Variants in BMPR2 observed in about 807,000 individuals in gnomAD.
BMPR2 encodes bone morphogenetic protein receptor type-2.
Under a neutral mutation model 100.8 loss-of-function variants are expected in BMPR2, and 29 were observed. The ratio of observed to expected loss-of-function variants is 0.29; its 90% CI spans 0.21 to 0.39. BMPR2 has a LOEUF of 0.39. Among genes scored for constraint, BMPR2 ranks in the 10% least tolerant of loss-of-function variants. The pLI is 1.00. For synonymous variants in BMPR2, 382 were observed against 442.3 expected (o/e 0.86, Z 1.71); for missense variants, 1,011 against 1,274.5 (o/e 0.79, Z 3.15).
intron 12 of BMPR2, among the ~76,000 whole-genome samples, chr2:202,557,760 A>G (rs1688607287): frequency 6.6e-6 from 1 of 152,208 alleles, no homozygotes; most frequent in South Asian, 2.1e-4. Context: ...TGATAATTAA[A>G]AAGTCAGTGT....
chr2:202,425,458 T>C (rs1375447556), intron 1 of BMPR2, among the ~76,000 whole-genome samples: 1 of 152,212 alleles, frequency 6.6e-6, no homozygotes, highest in Non-Finnish European at 1.5e-5. Flanking sequence ...AACTTTGTGA[T>C]TGATACAAGA....
chr2:202,417,716 CCTTTTTTTTTTTT>C (rs1691164000), intron 1 of BMPR2, among the ~76,000 whole-genome samples: 1 of 149,964 alleles, frequency 6.7e-6, no homozygotes. Context: ...TTTCTATATT[CCTTTTTTTTTTTT>C]CTTTTTTGAG....
At chr2:202,510,376 A>G (rs573486271) in intron 3 of BMPR2, among the ~76,000 whole-genome samples, 7 of 152,176 alleles carry the variant, frequency 4.6e-5, no homozygotes, top group African/African-American at 1.4e-4. Flanking sequence ...GAGATCGTAC[A>G]TCTGTGACAT....
At position 202,556,519 on chromosome 2, in the gene BMPR2, A is replaced by G. The variant is rs745798716; in HGVS notation, c.2854A>G (p.Ser952Gly). ...TTCAGCCACAAATGTCCTGGATGGCAGCAGTATACAGAGTAAGTGGAGGGA... is the reference window on the plus strand; with the variant it reads ...TTCAGCCACAAATGTCCTGGATGGCGGCAGTATACAGAGTAAGTGGAGGGA... Reference protein sequence around the residue: ...DLSATNVLDGSSIQIGESTQD... With the variant: ...DLSATNVLDGGSIQIGESTQD... The change falls in exon 12 of 13, where the codon AGC becomes GGC. Residue 952 changes from serine to glycine, a missense_variant. Ser to Gly is a moderately conservative substitution (Grantham distance 56, BLOSUM62 0). Coordinates refer to ENST00000374580, the MANE Select transcript of BMPR2 (RefSeq NM_001204.7). The G allele has an allele frequency of 3.1e-6, 5 of 1,612,788 alleles. No individual in the cohort carries two copies. The highest frequency in any genetic ancestry group is 2.2e-5 in the South Asian group (2 of 91,088).
In BMPR2 at chr2:202,561,010, C is replaced by T. The variant is rs1466949815; in HGVS notation, c.*1064C>T. 6.6e-6 allele frequency: 1 copy of T among 152,074 alleles called. No homozygotes were observed. The highest frequency in any genetic ancestry group is 2.4e-5 in the African/African-American group (1 of 41,406). The allele number at this position is 152,074 out of a possible 1,614,324, so 9.4% of individuals were successfully genotyped here. On this transcript the variant is annotated 3_prime_UTR_variant, in exon 13 of 13. Transcript: ENST00000374580. Reference sequence around the variant, plus strand: ...TTCTCTGAATAGGCCATCTTTGACTCATAAAATTACCCTTACTGTTTATTA... The same window carrying T: ...TTCTCTGAATAGGCCATCTTTGACTTATAAAATTACCCTTACTGTTTATTA...
intron 12 of BMPR2, among the ~76,000 whole-genome samples, chr2:202,556,811 G>A (rs183448243): frequency 2.5e-4 from 38 of 149,784 alleles, no homozygotes; most frequent in Non-Finnish European, 4.2e-4. Flanking sequence ...TAGGCCAGGC[G>A]CGGTGGCTCA....
intron 7 of BMPR2, among the ~76,000 whole-genome samples, chr2:202,529,885 T>G (rs1687987409): frequency 6.6e-6 from 1 of 152,226 alleles, no homozygotes. Context: ...TCTCTATACC[T>G]AAGCAGATAT....
chr2:202,457,561 TAGAGAGAGAGAGAGAGAG>T (rs72489501), intron 1 of BMPR2, among the ~76,000 whole-genome samples: 2 of 94,842 alleles, frequency 2.1e-5, no homozygotes, highest in African/African-American at 5.3e-5. Context: ...TATATATATA[TAGAGAGAGAGAGAGAGAG>T]AGAGAGAGAG....
chr2:202,491,333 G>A (rs72925083), intron 3 of BMPR2, among the ~76,000 whole-genome samples: 25,625 of 152,060 alleles, frequency 0.17, 2,472 homozygotes, highest in Middle Eastern at 0.24. Flanking sequence ...CTGAGATTGC[G>A]GTCATGAGCC....
At chr2:202,490,741 T>C (rs920113576) in intron 3 of BMPR2, among the ~76,000 whole-genome samples, 9 of 152,034 alleles carry the variant, frequency 5.9e-5, no homozygotes, top group Non-Finnish European at 1.2e-4. Flanking sequence ...CATAAAAGAA[T>C]AGGAAGGGTA....
At chr2:202,531,833 T>C (rs936375101) in intron 8 of BMPR2, among the ~76,000 whole-genome samples, 5 of 146,060 alleles carry the variant, frequency 3.4e-5, no homozygotes, top group Admixed American at 7.0e-5. Context: ...GGTTTCTCCA[T>C]GTTAGGGTGG....
At chr2:202,402,364 A>G (rs1690782734) in intron 1 of BMPR2, among the ~76,000 whole-genome samples, 2 of 151,808 alleles carry the variant, frequency 1.3e-5, no homozygotes, top group East Asian at 1.9e-4. Context: ...TAAAAATATA[A>G]AAAGTTAGCC....
At chr2:202,557,130 A>C (rs1373482314) in intron 12 of BMPR2, among the ~76,000 whole-genome samples, 1 of 152,072 alleles carries the variant, frequency 6.6e-6, no homozygotes, top group East Asian at 1.9e-4. Context: ...CAGGAGTTCG[A>C]GACCAGCCTG....
Position 202,391,168 on chromosome 2 carries a change from G to T in BMPR2, c.76+13618G>T, listed in dbSNP as rs1381502352. Among the ~76,000 whole-genome samples the T allele has an allele frequency of 2.0e-5, 3 of 151,432 alleles. No homozygotes were observed. The South Asian group carries it at 6.3e-4, about 32-fold the overall frequency. On this transcript the variant is annotated intron_variant, in intron 1 of 12. Transcript: ENST00000374580. ...ATTTTGTATTTTTAGTAGAGACAGG[G>T]TTTCTCCATGTTGGTCAGGCTGGTC...
chr2:202,416,427 A>ATTT (rs57196325), intron 1 of BMPR2, among the ~76,000 whole-genome samples: 52 of 137,022 alleles, frequency 3.8e-4, no homozygotes, highest in South Asian at 2.6e-3. Flanking sequence ...CACCTGGATA[A>ATTT]TTTTTTTTTT....
chr2:202,518,717 C>A, intron 5 of BMPR2, 105 bp from the exon 6 acceptor site: 3 of 937,328 alleles, frequency 3.2e-6, no homozygotes, highest in Non-Finnish European at 5.1e-6. Context: ...AAACTGTAAG[C>A]AACAGAGAGC....
intron 3 of BMPR2, 132 bp from the exon 4 acceptor site, chr2:202,513,587 C>T: frequency 1.5e-5 from 9 of 612,184 alleles, no homozygotes; most frequent in Non-Finnish European, 2.3e-5. Context: ...TTTTTTCTTT[C>T]ATTTCCTTTG....
chr2:202,491,264 C>T (rs1692894764), intron 3 of BMPR2, among the ~76,000 whole-genome samples: 1 of 151,918 alleles, frequency 6.6e-6, no homozygotes, highest in Non-Finnish European at 1.5e-5. Context: ...GGCAGGTTGT[C>T]TAGGCTGGTC....
At chr2:202,500,366 C>T (rs1244366866) in intron 3 of BMPR2, among the ~76,000 whole-genome samples, 1 of 152,172 alleles carries the variant, frequency 6.6e-6, no homozygotes, top group Non-Finnish European at 1.5e-5. Flanking sequence ...AAGTCCCACA[C>T]CGTTATTAGG....
Sources: gnomAD v4.1 joint callset for allele counts (sites outside exome capture counted in the v4.1 genomes callset) on GRCh38, gnomAD v4.1.1 for gene constraint, MANE v1.5 for transcripts, NCBI Gene and HGNC (gene_info 2026-07-23, HGNC 2026-07-21) for gene names.